SS18: variants seen among roughly 807,000 people sequenced by gnomAD.
SS18 encodes the protein SS18 subunit of BAF chromatin remodeling complex.
Under a neutral mutation model 72.5 loss-of-function variants are expected in SS18, and 28 were observed. The ratio of observed to expected loss-of-function variants is 0.39; its 90% CI spans 0.29 to 0.53. The LOEUF is 0.53. Among genes scored for constraint, SS18 ranks in the 20% least tolerant of loss-of-function variants. SS18 has a pLI of 0.76. For synonymous variants in SS18, 172 were observed against 164.2 expected, an observed-to-expected ratio of 1.05 and a Z score of -0.37; for missense variants, 518 against 535.3, an observed-to-expected ratio of 0.97 and a Z score of 0.32.
intron 9 of SS18, among the ~76,000 whole-genome samples, chr18:26,033,844 T>C (rs909065039): frequency 4.6e-5 from 7 of 152,162 alleles, no homozygotes; most frequent in Non-Finnish European, 8.8e-5. Flanking sequence ...TCTCTTACCA[T>C]TGAAGGTATT....
At chr18:26,070,416 T>A (rs1321133152) in intron 3 of SS18, among the ~76,000 whole-genome samples, 1 of 152,156 alleles carries the variant, frequency 6.6e-6, no homozygotes, top group Non-Finnish European at 1.5e-5. Flanking sequence ...TAGAACAACT[T>A]CTCCCATTTT....
At chr18:26,061,341 C>G (rs938168066) in intron 3 of SS18, among the ~76,000 whole-genome samples, 2 of 152,092 alleles carry the variant, frequency 1.3e-5, no homozygotes, top group East Asian at 1.9e-4. Flanking sequence ...TAAACAAACA[C>G]AGGACAGACG....
At chr18:26,047,454 G>A (rs565384970) in intron 5 of SS18, among the ~76,000 whole-genome samples, 2 of 114,674 alleles carry the variant, frequency 1.7e-5, no homozygotes, top group South Asian at 6.9e-4. Context: ...GCAAATGCTG[G>A]GTCAAAGTTC....
intron 2 of SS18, among the ~76,000 whole-genome samples, chr18:26,083,361 G>A (rs906822147): frequency 2.6e-5 from 4 of 152,082 alleles, no homozygotes; most frequent in South Asian, 2.1e-4. Flanking sequence ...TCTGTGTGGA[G>A]TTCTTAAAAA....
chr18:26,058,352 C>A (rs2054062194), intron 3 of SS18, among the ~76,000 whole-genome samples: 1 of 152,188 alleles, frequency 6.6e-6, no homozygotes, highest in South Asian at 2.1e-4. Flanking sequence ...TGAAGAAAAC[C>A]ACTGACTAAC....
At chr18:26,020,024 G>A (rs969869667) in intron 10 of SS18, among the ~76,000 whole-genome samples, 1 of 151,900 alleles carries the variant, frequency 6.6e-6, no homozygotes, top group Admixed American at 6.6e-5. Flanking sequence ...GGGTACACAG[G>A]GGTTCACTAT....
chr18:26,090,576 G>A lies in SS18; in HGVS notation c.-7C>T, dbSNP rs887788118. ...CCGCGAAAGCCACAGACATGTTGCC[G>A]CCGTCACCACTATCGGCAAGTCCCG... On this transcript the variant is annotated 5_prime_UTR_variant, in exon 1 of 11. Coordinates refer to ENST00000415083, the MANE Select transcript of SS18 (RefSeq NM_001007559.3). 6 of 1,578,292 alleles carry A rather than the reference G, an allele frequency of 3.8e-6. No individual in the cohort carries two copies. Among genetic ancestry groups the A allele is most frequent in the South Asian group, 1.2e-5 (1 of 85,884 alleles).
chr18:26,045,831 T>TA (rs2053810188), intron 5 of SS18, among the ~76,000 whole-genome samples: 1 of 152,160 alleles, frequency 6.6e-6, no homozygotes. Context: ...TACTGTCAGT[T>TA]AAAAATACAT....
rs28775007 is a variant in SS18 at position 26,060,764 on chromosome 18, A to G, written c.232-3022T>C. Among the ~76,000 whole-genome samples the G allele has an allele frequency of 8.2e-4, 101 of 122,754 alleles. 1 individual carries two copies. Among genetic ancestry groups the G allele is most frequent in the African/African-American group, 3.4e-3 (98 of 28,990 alleles). The allele number at this position is 122,754 out of a possible 152,430, so 80.5% of individuals were successfully genotyped here. A position where few individuals can be genotyped will look rare whatever the true frequency, so the allele number is the denominator to read the frequency against. On this transcript the variant is annotated intron_variant, in intron 3 of 10. Coordinates refer to ENST00000415083, the MANE Select transcript of SS18 (RefSeq NM_001007559.3). ...ACATGGTGAAACTCTGTCTCTACTA[A>G]AAATACCAAAAAAAAAAAAAAAAAA... is the stretch of plus-strand genomic sequence containing the variant.
intron 5 of SS18, among the ~76,000 whole-genome samples, chr18:26,043,054 T>C (rs904991668): frequency 1.3e-5 from 2 of 152,142 alleles, no homozygotes; most frequent in African/African-American, 4.8e-5. Context: ...ACTAAGCTAA[T>C]AGCTTTACCT....
intron 2 of SS18, among the ~76,000 whole-genome samples, chr18:26,083,802 G>C (rs2054571022): frequency 6.6e-6 from 1 of 152,152 alleles, no homozygotes; most frequent in Non-Finnish European, 1.5e-5. Context: ...TGGCTGACTT[G>C]AGGAATTGAT....
At chr18:26,025,274 A>C (rs1239886547) in intron 10 of SS18, among the ~76,000 whole-genome samples, 2 of 152,154 alleles carry the variant, frequency 1.3e-5, no homozygotes, top group Admixed American at 1.3e-4. Flanking sequence ...AAAGAAAGAC[A>C]GTTCTTAAAT....
chr18:26,048,395 G>C (rs1247843872), intron 5 of SS18, among the ~76,000 whole-genome samples: 1 of 152,112 alleles, frequency 6.6e-6, no homozygotes, highest in Non-Finnish European at 1.5e-5. Flanking sequence ...TCCATACAAA[G>C]AATGTTGCCA....
intron 9 of SS18, among the ~76,000 whole-genome samples, chr18:26,034,615 A>T (rs527940443): frequency 1.3e-3 from 199 of 152,016 alleles, no homozygotes; most frequent in South Asian, 4.4e-3. Context: ...AGTATGTCTT[A>T]AAAAAAACTG....
intron 5 of SS18, among the ~76,000 whole-genome samples, chr18:26,046,857 G>A (rs1380075337): frequency 6.6e-6 from 1 of 152,152 alleles, no homozygotes; most frequent in African/African-American, 2.4e-5. Flanking sequence ...AAATCTAAAA[G>A]TAACATCCAT....
intron 3 of SS18, among the ~76,000 whole-genome samples, chr18:26,060,577 G>A (rs1166509596): frequency 6.6e-6 from 1 of 151,414 alleles, no homozygotes; most frequent in Admixed American, 6.6e-5. Flanking sequence ...AAAAAAGAAT[G>A]GACAACCAAG....
At chr18:26,072,017 G>A (rs1164145528) in intron 3 of SS18, among the ~76,000 whole-genome samples, 1 of 151,934 alleles carries the variant, frequency 6.6e-6, no homozygotes, top group African/African-American at 2.4e-5. Flanking sequence ...GGAACAGAAA[G>A]CATCAGAAAT....
At position 26,038,582 on chromosome 18, in the gene SS18, C is replaced by T; in HGVS notation, c.853G>A (p.Gly285Ser). The change falls in exon 7 of 11, where the codon GGC becomes AGC. Residue 285 changes from glycine to serine, a missense_variant. Coordinates refer to ENST00000415083, the MANE Select transcript of SS18 (RefSeq NM_001007559.3). ...TCAGGGTAATATTGCTGGTTCATGC[C>T]TTCTGGAGGACCTTGTCCACCATGA... ...YSHGGQGPPE[G>S]MNQQYYPDGH... 1 of 1,613,462 alleles carries T rather than the reference C, an allele frequency of 6.2e-7. No individual in the cohort carries two copies. Among genetic ancestry groups the T allele is most frequent in the South Asian group, 1.1e-5 (1 of 91,050 alleles).
rs1281192209 is a variant in SS18 at position 26,017,178 on chromosome 18, G to A, written c.*1176C>T. 1 of 206,182 alleles carries A rather than the reference G, an allele frequency of 4.9e-6. No homozygotes were observed. The highest frequency in any genetic ancestry group is 9.9e-6 in the Non-Finnish European group (1 of 101,326). 12.8% of individuals were successfully genotyped at this position (206,182 alleles called of 1,614,324 possible). On this transcript the variant is annotated 3_prime_UTR_variant, in exon 11 of 11. Transcript: ENST00000415083. ...ACAAGGTTATCTAGAATGCAACCTC[G>A]GTGCTTTAAAAACAGATAGAATAAA...
Sources: allele counts gnomAD v4.1 joint callset (sites outside exome capture counted in the v4.1 genomes callset), GRCh38; gene constraint gnomAD v4.1.1; transcripts MANE v1.5; gene names NCBI Gene and HGNC (gene_info 2026-07-23, HGNC 2026-07-21).